SPOCK3: variants seen among roughly 807,000 people sequenced by gnomAD.
SPOCK3 encodes SPARC (osteonectin), cwcv and kazal like domains proteoglycan 3.
A neutral mutation model predicts 56.6 loss-of-function variants in SPOCK3; 30 were observed. The observed-to-expected ratio is 0.53, with a 90% CI of 0.40 to 0.72. The LOEUF is 0.72. SPOCK3 is among the 30% of genes least tolerant of loss of function. The pLI is 0.00. For missense variants in SPOCK3, 527 were observed against 530.0 expected (o/e 0.99, Z 0.06); for synonymous variants, 196 against 183.3 (o/e 1.07, Z -0.56).
chr4:166,744,520 G>C (rs989952905), intron 8 of SPOCK3, among the ~76,000 whole-genome samples: 8 of 151,844 alleles, frequency 5.3e-5, no homozygotes, highest in Non-Finnish European at 1.2e-4. Context: ...AAACCAGAAA[G>C]ATGGGAAGAA....
intron 7 of SPOCK3, among the ~76,000 whole-genome samples, chr4:166,774,189 T>G (rs1246455425): frequency 6.6e-6 from 1 of 152,190 alleles, no homozygotes; most frequent in African/African-American, 2.4e-5. Context: ...CTTCTCTATT[T>G]TTACTTCTAA....
chr4:166,987,876 G>T (rs189653404), intron 4 of SPOCK3, among the ~76,000 whole-genome samples: 1 of 152,140 alleles, frequency 6.6e-6, no homozygotes, highest in Non-Finnish European at 1.5e-5. Context: ...TATTCTAAAA[G>T]ATTTGCCTGC....
intron 4 of SPOCK3, among the ~76,000 whole-genome samples, chr4:166,925,779 C>T (rs1739026831): frequency 6.6e-6 from 1 of 151,934 alleles, no homozygotes; most frequent in South Asian, 2.1e-4. Context: ...AAATACAATT[C>T]TCAACAAAAT....
At chr4:166,840,854 C>T (rs1049531992) in intron 6 of SPOCK3, among the ~76,000 whole-genome samples, 5 of 137,426 alleles carry the variant, frequency 3.6e-5, no homozygotes, top group Non-Finnish European at 6.0e-5. Context: ...TCTCGGGTCA[C>T]TGCAAGGTCC....
At chr4:166,910,886 A>G (rs1737192234) in intron 5 of SPOCK3, among the ~76,000 whole-genome samples, 1 of 152,224 alleles carries the variant, frequency 6.6e-6, no homozygotes, top group African/African-American at 2.4e-5. Context: ...CTCACCAGAT[A>G]AAATTAGGAT....
intron 2 of SPOCK3, among the ~76,000 whole-genome samples, chr4:167,223,065 G>A (rs1561341862): frequency 9.6e-6 from 1 of 104,016 alleles, no homozygotes; most frequent in Non-Finnish European, 1.8e-5. Context: ...TTTTATATAT[G>A]AATATATATT....
intron 6 of SPOCK3, among the ~76,000 whole-genome samples, chr4:166,842,026 G>C (rs772717973): frequency 1.3e-5 from 2 of 152,198 alleles, no homozygotes; most frequent in Non-Finnish European, 2.9e-5. Flanking sequence ...GACCTTCTCA[G>C]TCAGTGTTAA....
At chr4:167,056,014 G>A (rs2150231107) in intron 3 of SPOCK3, among the ~76,000 whole-genome samples, 1 of 152,312 alleles carries the variant, frequency 6.6e-6, no homozygotes, top group Middle Eastern at 3.4e-3. Flanking sequence ...GTGGGTCCCT[G>A]ACAGCAGACC....
chr4:167,119,714 G>T, intron 2 of SPOCK3: 2 of 1,000,294 alleles, frequency 2.0e-6, no homozygotes, highest in East Asian at 2.6e-5. Context: ...TATTTAAATA[G>T]AGAACGTTAT....
chr4:167,111,727 C>G (rs1171314695), intron 2 of SPOCK3, among the ~76,000 whole-genome samples: 1 of 151,082 alleles, frequency 6.6e-6, no homozygotes, highest in Non-Finnish European at 1.5e-5. Context: ...TAACAATAGA[C>G]TATAAAAGAT....
At chr4:166,763,515 T>C (rs1473687820) in intron 7 of SPOCK3, among the ~76,000 whole-genome samples, 1 of 152,118 alleles carries the variant, frequency 6.6e-6, no homozygotes, top group Middle Eastern at 3.2e-3. Context: ...TAGGTAAACA[T>C]AGAAAACTTT....
chr4:166,767,477 G>C (rs529419549), intron 7 of SPOCK3, among the ~76,000 whole-genome samples: 1 of 152,248 alleles, frequency 6.6e-6, no homozygotes, highest in African/African-American at 2.4e-5. Flanking sequence ...AGGTTGTTCA[G>C]TTTCCATGTA....
intron 3 of SPOCK3, among the ~76,000 whole-genome samples, chr4:167,046,849 G>A (rs1359890935): frequency 6.6e-6 from 1 of 152,110 alleles, no homozygotes; most frequent in African/African-American, 2.4e-5. Flanking sequence ...TAAGAGGAAG[G>A]CTGATTATTA....
At chr4:166,884,150 G>A (rs1733953406) in intron 6 of SPOCK3, among the ~76,000 whole-genome samples, 1 of 140,926 alleles carries the variant, frequency 7.1e-6, no homozygotes, top group South Asian at 2.1e-4. Flanking sequence ...ACAGGAGATC[G>A]AGATCAACCT....
At chr4:167,173,340 C>T (rs927220419) in intron 2 of SPOCK3, among the ~76,000 whole-genome samples, 1 of 152,098 alleles carries the variant, frequency 6.6e-6, no homozygotes, top group East Asian at 1.9e-4. Flanking sequence ...ATTGCCTGCA[C>T]AATATTGCCT....
chr4:167,086,801 A>C (rs2150301621), intron 2 of SPOCK3, among the ~76,000 whole-genome samples: 1 of 152,272 alleles, frequency 6.6e-6, no homozygotes, highest in South Asian at 2.1e-4. Flanking sequence ...TTCTTTATAT[A>C]GCCTCTACAG....
intron 3 of SPOCK3, among the ~76,000 whole-genome samples, chr4:167,057,172 T>C (rs1393448392): frequency 2.6e-5 from 4 of 152,220 alleles, no homozygotes; most frequent in Non-Finnish European, 4.4e-5. Context: ...CAGGATTTCA[T>C]ATCCAGCCAA....
At chr4:166,744,959 A>G (rs905613710) in intron 8 of SPOCK3, among the ~76,000 whole-genome samples, 1 of 152,186 alleles carries the variant, frequency 6.6e-6, no homozygotes, top group African/African-American at 2.4e-5. Flanking sequence ...AAATAAACGA[A>G]CAAAGCCTCC....
intron 2 of SPOCK3, among the ~76,000 whole-genome samples, chr4:167,109,513 T>TAATATTTATATATTTTATATAAAATAC (rs1561225843): frequency 2.3e-4 from 27 of 119,372 alleles, no homozygotes; most frequent in Admixed American, 7.0e-4. Context: ...ATATAAAATA[T>TAATATTTATATATTTTATATAAAATAC]AATATTTATA....
Sources: gnomAD v4.1 joint callset for allele counts (sites outside exome capture counted in the v4.1 genomes callset) on GRCh38, gnomAD v4.1.1 for gene constraint, MANE v1.5 for transcripts, NCBI Gene and HGNC (gene_info 2026-07-23, HGNC 2026-07-21) for gene names.